The following STXBP6 variants were observed in gnomAD, a reference collection of about 807,000 sequenced individuals.
STXBP6 encodes syntaxin binding protein 6, also known as syntaxin-binding protein 6.
Under a neutral mutation model 26.9 loss-of-function variants are expected in STXBP6, and 21 were observed. The ratio of observed to expected loss-of-function variants is 0.78; its 90% CI spans 0.55 to 1.12. The LOEUF is 1.12. Among genes scored for constraint, STXBP6 ranks in the 50% most tolerant of loss-of-function variants. The pLI, the probability that STXBP6 is intolerant of heterozygous loss-of-function variation, is 0.00. For synonymous variants in STXBP6, 97 were observed against 92.6 expected (o/e 1.05, Z -0.27); for missense variants, 232 against 257.9 (o/e 0.90, Z 0.69).
rs143579023 is a variant in STXBP6 at position 24,878,865 on chromosome 14, C to G, written c.155-21708G>C. On this transcript the variant is annotated intron_variant, in intron 2 of 5. Coordinates refer to ENST00000323944, the MANE Select transcript of STXBP6 (RefSeq NM_001394410.1). ...TGCAAATTAACAGGGAGCTATTATG[C>G]CTTTCCCTATTCTTACTGAAACAGA... 806 of 435,052 alleles carry G rather than the reference C, an allele frequency of 1.9e-3. 5 individuals are homozygous for G. The highest frequency in any genetic ancestry group is 0.015 in the African/African-American group (732 of 49,740). 26.9% of individuals were successfully genotyped at this position (435,052 alleles called of 1,614,324 possible).
At chr14:24,867,774 T>C (rs144567953) in intron 2 of STXBP6, among the ~76,000 whole-genome samples, 89 of 152,306 alleles carry the variant, frequency 5.8e-4, no homozygotes, top group African/African-American at 1.9e-3. Context: ...ATTTCCTATA[T>C]ATAACACTAA....
chr14:24,931,137 A>AC (rs2072384417), intron 2 of STXBP6, among the ~76,000 whole-genome samples: 2 of 139,460 alleles, frequency 1.4e-5, no homozygotes, highest in African/African-American at 2.7e-5. Context: ...AAAAAAAAAA[A>AC]AAAAACCCAA....
At chr14:24,992,878 A>G (rs756779713) in intron 1 of STXBP6, among the ~76,000 whole-genome samples, 7 of 152,234 alleles carry the variant, frequency 4.6e-5, no homozygotes, top group Admixed American at 2.0e-4. Flanking sequence ...TGAACAGTCA[A>G]CTTTAGAGCA....
At chr14:24,985,745 C>A (rs181715712) in intron 1 of STXBP6, among the ~76,000 whole-genome samples, 6 of 152,276 alleles carry the variant, frequency 3.9e-5, no homozygotes, top group African/African-American at 1.4e-4. Context: ...ATTTGACACC[C>A]TTTTGGGCCT....
rs143404442 is a variant in STXBP6, at chr14:24,923,089, C to T, written c.154+51576G>A. Among the ~76,000 whole-genome samples, 94 of 152,194 alleles carry T rather than the reference C, an allele frequency of 6.2e-4. 2 individuals carry two copies. In the East Asian group the frequency reaches 0.013, roughly 21 times the overall value. On this transcript the variant is annotated intron_variant, in intron 2 of 5. Coordinates refer to ENST00000323944, the MANE Select transcript of STXBP6 (RefSeq NM_001394410.1). The stretch of plus-strand genomic sequence containing the variant: ...AAGCACTACTGATGTCTCCATGCAT[C>T]TATTTGTGACATTACCCCTGCCTCC...
At chr14:24,872,621 T>C (rs1440400857) in intron 2 of STXBP6, among the ~76,000 whole-genome samples, 1 of 152,196 alleles carries the variant, frequency 6.6e-6, no homozygotes, top group Non-Finnish European at 1.5e-5. Flanking sequence ...GCCTCTCTCC[T>C]ATATGTCTCT....
chr14:25,037,180 C>T (rs974624841), intron 1 of STXBP6, among the ~76,000 whole-genome samples: 1 of 152,136 alleles, frequency 6.6e-6, no homozygotes, highest in Non-Finnish European at 1.5e-5. Context: ...GTCCTGAAGC[C>T]TGACACAGGC....
intron 4 of STXBP6, among the ~76,000 whole-genome samples, chr14:24,831,570 A>C (rs2068454222): frequency 6.6e-6 from 1 of 152,172 alleles, no homozygotes; most frequent in South Asian, 2.1e-4. Flanking sequence ...GTACTAAGAC[A>C]ATAATATGTT....
rs56296055 is a variant in STXBP6, at chr14:25,019,119, C to T, written c.-33+30759G>A. ...AGGCTTATGTCCAGAATGAACTAAT[C>T]ATTTGTCCATAGAAACATGCTGAGA... is the stretch of plus-strand genomic sequence containing the variant. On this transcript the variant is annotated intron_variant, in intron 1 of 5. Transcript: ENST00000323944. Among the ~76,000 whole-genome samples, 1,102 of 152,294 alleles carry T rather than the reference C, an allele frequency of 7.2e-3. 14 individuals carry two copies. Among genetic ancestry groups the T allele is most frequent in the African/African-American group, 0.025 (1,035 of 41,562 alleles).
intron 1 of STXBP6, among the ~76,000 whole-genome samples, chr14:24,988,234 A>G (rs2074382386): frequency 2.0e-5 from 3 of 152,226 alleles, no homozygotes; most frequent in Non-Finnish European, 4.4e-5. Flanking sequence ...CAGAGGTAAC[A>G]AAGAAAATCC....
chr14:25,015,998 C>A (rs2075139366), intron 1 of STXBP6, among the ~76,000 whole-genome samples: 1 of 152,234 alleles, frequency 6.6e-6, no homozygotes, highest in Non-Finnish European at 1.5e-5. Flanking sequence ...ACCTTGGAGA[C>A]ACTGTGCAGC....
chr14:24,812,882 G>A, intron 5 of STXBP6, 150 bp from the exon 6 acceptor site: 2 of 725,492 alleles, frequency 2.8e-6, no homozygotes, highest in Middle Eastern at 2.8e-4. Context: ...AATTACAGTA[G>A]CACCTTTAAA....
chr14:24,960,141 G>C (rs2140115016), intron 2 of STXBP6, among the ~76,000 whole-genome samples: 1 of 152,364 alleles, frequency 6.6e-6, no homozygotes, highest in African/African-American at 2.4e-5. Flanking sequence ...AGCTGAATCT[G>C]TATCCCATAG....
chr14:24,974,909 A>G (rs542916664), intron 1 of STXBP6, 59 bp from the exon 2 acceptor site: 2 of 1,120,250 alleles, frequency 1.8e-6, no homozygotes, highest in East Asian at 2.7e-5. Flanking sequence ...GGGTTCATAC[A>G]ATAATCAGCA....
intron 2 of STXBP6, among the ~76,000 whole-genome samples, chr14:24,887,031 CA>C (rs762273065): frequency 1.6e-4 from 24 of 152,138 alleles, no homozygotes; most frequent in Non-Finnish European, 2.9e-4. Flanking sequence ...CTGTCCTACC[CA>C]AAGTGACATC....
chr14:24,925,562 G>A (rs781707544), intron 2 of STXBP6, among the ~76,000 whole-genome samples: 28 of 152,244 alleles, frequency 1.8e-4, no homozygotes, highest in African/African-American at 5.5e-4. Flanking sequence ...CAGCTGTCCC[G>A]TCCCCAAGGA....
At chr14:25,000,867 T>A (rs1333040319) in intron 1 of STXBP6, among the ~76,000 whole-genome samples, 1 of 151,588 alleles carries the variant, frequency 6.6e-6, no homozygotes, top group Non-Finnish European at 1.5e-5. Context: ...GATCTTACCC[T>A]TTTTGTCCAG....
At chr14:24,874,556 A>C (rs2070064847) in intron 2 of STXBP6, among the ~76,000 whole-genome samples, 1 of 152,110 alleles carries the variant, frequency 6.6e-6, no homozygotes, top group East Asian at 1.9e-4. Flanking sequence ...CCCAAATGTA[A>C]ACAAGCTTTG....
At chr14:24,965,191 G>A (rs1377879452) in intron 2 of STXBP6, among the ~76,000 whole-genome samples, 1 of 151,986 alleles carries the variant, frequency 6.6e-6, no homozygotes, top group African/African-American at 2.4e-5. Flanking sequence ...GACTGGAGAG[G>A]ATGCAAACCA....
Sources: allele counts gnomAD v4.1 joint callset (sites outside exome capture counted in the v4.1 genomes callset), GRCh38; gene constraint gnomAD v4.1.1; transcripts MANE v1.5; gene names NCBI Gene and HGNC (gene_info 2026-07-23, HGNC 2026-07-21).